Variants in ADAMTSL1 observed in about 807,000 individuals in gnomAD.
The protein encoded by ADAMTSL1 is ADAMTS-like protein 1.
A neutral mutation model predicts 201.8 loss-of-function variants in ADAMTSL1; 126 were observed. The ratio of observed to expected loss-of-function variants is 0.62; its 90% CI spans 0.54 to 0.72. ADAMTSL1 has a LOEUF of 0.72. Ranked by LOEUF, ADAMTSL1 falls within the 30% of genes least tolerant of loss-of-function variation. The pLI, the probability that ADAMTSL1 is intolerant of heterozygous loss-of-function variation, is 0.00. For missense variants in ADAMTSL1, 2,679 were observed against 2,277.8 expected (o/e 1.18, Z -3.59); for synonymous variants, 1,121 against 903.4 (o/e 1.24, Z -4.32).
intron 2 of ADAMTSL1, among the ~76,000 whole-genome samples, chr9:18,294,850 A>G (rs1217023955): frequency 6.6e-6 from 1 of 152,236 alleles, no homozygotes; most frequent in Non-Finnish European, 1.5e-5. Flanking sequence ...CCCATAGGTC[A>G]TAAGAGTCAG....
At chr9:18,156,840 A>G (rs952822454) in intron 1 of ADAMTSL1, among the ~76,000 whole-genome samples, 1 of 152,058 alleles carries the variant, frequency 6.6e-6, no homozygotes, top group Non-Finnish European at 1.5e-5. Flanking sequence ...AGCAGAGTGT[A>G]TTTAGAACTC....
At chr9:18,010,387 A>G (rs1820003089) in intron 1 of ADAMTSL1, among the ~76,000 whole-genome samples, 1 of 152,024 alleles carries the variant, frequency 6.6e-6, no homozygotes, top group African/African-American at 2.4e-5. Context: ...CTAGAACATT[A>G]AACACTGGGG....
Position 18,371,172 on chromosome 9 carries a change from T to C in ADAMTSL1, c.208-133657T>C, listed in dbSNP as rs543357838. On this transcript the variant is annotated intron_variant, in intron 2 of 29. Transcript: ENST00000680146. ...GTAATACTTATACAATTTTTATTCA[T>C]GTTCTGATGCTTTGTTTTTTGAGCC... Among the ~76,000 whole-genome samples the C allele has an allele frequency of 1.6e-4, 25 of 152,340 alleles. No individual in the cohort carries two copies. The South Asian group carries it at 4.8e-3, about 29-fold the overall frequency.
In ADAMTSL1 at chr9:18,828,260, C is replaced by T. The variant is rs79970919; in HGVS notation, c.4115-1583C>T. 8.4e-3 allele frequency among the ~76,000 whole-genome samples: 1,284 copies of T among 152,178 alleles called. 19 individuals carry two copies. The highest frequency in any genetic ancestry group is 0.029 in the African/African-American group (1,212 of 41,506). On this transcript the variant is annotated intron_variant, in intron 22 of 28. Coordinates refer to ENST00000380548, the MANE Select transcript of ADAMTSL1 (RefSeq NM_001040272.6). ...TTCCTGGGAAGAGCAAATGGACATG[C>T]ACTGAAAAGGAAAATTACTTTCAAA...
At chr9:18,309,317 G>A (rs1410874214) in intron 2 of ADAMTSL1, among the ~76,000 whole-genome samples, 1 of 152,096 alleles carries the variant, frequency 6.6e-6, no homozygotes, top group Non-Finnish European at 1.5e-5. Flanking sequence ...ATTCAACATA[G>A]TATTGGAAGC....
chr9:18,809,681 C>T (rs773696028), intron 20 of ADAMTSL1, among the ~76,000 whole-genome samples: 3 of 151,968 alleles, frequency 2.0e-5, no homozygotes, highest in Admixed American at 1.3e-4. Flanking sequence ...CTCAGCTACT[C>T]GGGAGACTGA....
intron 2 of ADAMTSL1, among the ~76,000 whole-genome samples, chr9:18,264,429 G>C (rs910252231): frequency 2.0e-5 from 3 of 152,092 alleles, no homozygotes; most frequent in African/African-American, 7.2e-5. Context: ...TTGATACCAC[G>C]TAGGAGAGCT....
At chr9:18,599,784 A>T (rs1824505773) in intron 4 of ADAMTSL1, among the ~76,000 whole-genome samples, 1 of 150,546 alleles carries the variant, frequency 6.6e-6, no homozygotes, top group South Asian at 2.1e-4. Flanking sequence ...TAATTAAATT[A>T]TATTTATATA....
At chr9:18,279,097 C>A (rs992224171) in intron 2 of ADAMTSL1, among the ~76,000 whole-genome samples, 2 of 152,088 alleles carry the variant, frequency 1.3e-5, no homozygotes, top group Non-Finnish European at 2.9e-5. Context: ...ACTTGTATAT[C>A]TGTGTTCTCC....
intron 2 of ADAMTSL1, among the ~76,000 whole-genome samples, chr9:18,361,591 T>C (rs986985001): frequency 1.3e-5 from 2 of 152,184 alleles, no homozygotes; most frequent in African/African-American, 4.8e-5. Context: ...TAGAGTTGTT[T>C]GTGTTACACT....
chr9:18,120,176 C>A (rs138808150), intron 1 of ADAMTSL1, among the ~76,000 whole-genome samples: 3 of 152,272 alleles, frequency 2.0e-5, no homozygotes, highest in African/African-American at 7.2e-5. Flanking sequence ...GGATACCCTT[C>A]CAAGTTCACT....
At chr9:18,508,505 C>T (rs1817819723) in intron 2 of ADAMTSL1, among the ~76,000 whole-genome samples, 1 of 152,090 alleles carries the variant, frequency 6.6e-6, no homozygotes, top group Admixed American at 6.5e-5. Flanking sequence ...TCTTCATTAT[C>T]TTTTAAGTTG....
At position 18,721,598 on chromosome 9, in the gene ADAMTSL1, C is replaced by A. The variant is rs1169519977; in HGVS notation, c.1939C>A (p.Leu647Met). 6.2e-7 allele frequency: 1 copy of A among 1,613,872 alleles called. No individual in the cohort carries two copies. Among genetic ancestry groups the A allele is most frequent in the Non-Finnish European group, 8.5e-7 (1 of 1,179,888 alleles). The change falls in exon 15 of 29, where the codon CTG becomes ATG. Residue 647 changes from leucine (L) to methionine (M), a missense_variant. Physicochemically the swap from Leu to Met is conservative, Grantham distance 15. Transcript: ENST00000380548. ...KQTREPAEEN[L>M]CVTSRRPPQL... ...GACTCGGGAGCCTGCTGAGGAGAAC[C>A]TGTGCGTGACCAGCCGCCGGCCCCC...
At chr9:18,007,791 A>T (rs866294441) in intron 1 of ADAMTSL1, among the ~76,000 whole-genome samples, 3 of 150,716 alleles carry the variant, frequency 2.0e-5, no homozygotes, top group Admixed American at 6.6e-5. Context: ...CAAAAGAATT[A>T]AAAAAAAAAT....
At chr9:18,736,392 C>T (rs752226889) in intron 15 of ADAMTSL1, among the ~76,000 whole-genome samples, 8 of 152,192 alleles carry the variant, frequency 5.3e-5, no homozygotes, top group Non-Finnish European at 8.8e-5. Flanking sequence ...CTTGGGAAGG[C>T]ACATCCCAGG....
chr9:18,529,310 A>C (rs534094845), intron 2 of ADAMTSL1, among the ~76,000 whole-genome samples: 1 of 152,328 alleles, frequency 6.6e-6, no homozygotes, highest in Non-Finnish European at 1.5e-5. Flanking sequence ...TAATAACAAC[A>C]AGACAGGTCA....
chr9:18,622,428 G>C (rs757340532), intron 5 of ADAMTSL1, 59 bp downstream of exon 5: 3 of 1,609,538 alleles, frequency 1.9e-6, no homozygotes, highest in Non-Finnish European at 2.5e-6. Context: ...TCCTGGCTTA[G>C]GTCTGGCCCC....
chr9:17,990,994 A>G (rs757822138), intron 1 of ADAMTSL1, among the ~76,000 whole-genome samples: 16 of 152,186 alleles, frequency 1.1e-4, no homozygotes, highest in Non-Finnish European at 2.1e-4. Context: ...TAAAGGAAAC[A>G]TTAACTTTGA....
intron 1 of ADAMTSL1, among the ~76,000 whole-genome samples, chr9:17,986,206 T>G (rs1438535595): frequency 6.6e-6 from 1 of 152,056 alleles, no homozygotes; most frequent in African/African-American, 2.4e-5. Flanking sequence ...AGAATGCCAG[T>G]CCCGTATCCC....
Sources: gnomAD v4.1 joint callset for allele counts (sites outside exome capture counted in the v4.1 genomes callset) on GRCh38, gnomAD v4.1.1 for gene constraint, MANE v1.5 for transcripts, NCBI Gene and HGNC (gene_info 2026-07-23, HGNC 2026-07-21) for gene names.